Variants in PRKG1 observed in about 807,000 individuals in gnomAD.
The protein encoded by PRKG1 is cGMP-dependent protein kinase 1.
Under a neutral mutation model 88.1 loss-of-function variants are expected in PRKG1, and 35 were observed. The ratio of observed to expected loss-of-function variants is 0.40; its 90% CI spans 0.30 to 0.53. The LOEUF (loss-of-function observed/expected upper bound fraction) is 0.53. PRKG1 is among the 20% of genes least tolerant of loss of function. PRKG1 has a pLI of 0.59. For missense variants in PRKG1, 540 were observed against 839.8 expected (o/e 0.64, Z 4.41); for synonymous variants, 303 against 292.5 (o/e 1.04, Z -0.37).
intron 2 of PRKG1, among the ~76,000 whole-genome samples, chr10:51,233,366 A>G (rs1011230928): frequency 1.1e-4 from 16 of 152,186 alleles, no homozygotes; most frequent in Admixed American, 1.0e-3. Flanking sequence ...CTTGAGATCT[A>G]TTTCTACACT....
chr10:51,485,232 A>G (rs1165850156), intron 3 of PRKG1, among the ~76,000 whole-genome samples: 1 of 152,108 alleles, frequency 6.6e-6, no homozygotes, highest in Non-Finnish European at 1.5e-5. Flanking sequence ...TCCTCTTTAC[A>G]TTCTTGGTTA....
intron 7 of PRKG1, among the ~76,000 whole-genome samples, chr10:52,102,444 G>A (rs142818627): frequency 1.2e-3 from 183 of 152,062 alleles, no homozygotes; most frequent in Non-Finnish European, 2.0e-3. Flanking sequence ...TGAAAATGCC[G>A]TCATCCTTAT....
At position 51,699,550 on chromosome 10, in the gene PRKG1, G is replaced by C. The variant is rs142125120; in HGVS notation, c.593-105035G>C. On this transcript the variant is annotated intron_variant, in intron 3 of 17. Coordinates refer to ENST00000373980, the MANE Select transcript of PRKG1 (RefSeq NM_006258.4). ...GGTCTCTCACCGCCAAACTCGACAT[G>C]ATTCCGGTTGTGCAGACAGCCGATA... 7 of 1,606,908 alleles carry C rather than the reference G, an allele frequency of 4.4e-6. No homozygotes were observed. The Admixed American group carries it at 1.2e-4, about 27-fold the overall frequency.
intron 4 of PRKG1, among the ~76,000 whole-genome samples, chr10:51,853,960 A>G (rs1840619260): frequency 6.6e-6 from 1 of 152,076 alleles, no homozygotes; most frequent in Non-Finnish European, 1.5e-5. Context: ...AAGTGGTAAA[A>G]TGCAGACTTG....
chr10:52,261,600 A>C (rs554984362), intron 10 of PRKG1, among the ~76,000 whole-genome samples: 1 of 152,130 alleles, frequency 6.6e-6, no homozygotes, highest in South Asian at 2.1e-4. Flanking sequence ...TCATTCAAAC[A>C]TGTGTCACTC....
intron 2 of PRKG1, among the ~76,000 whole-genome samples, chr10:51,329,729 TTTTGTTTGTTTG>T (rs1309939099): frequency 6.6e-6 from 1 of 152,126 alleles, no homozygotes; most frequent in Non-Finnish European, 1.5e-5. Flanking sequence ...TTTTTTGTTT[TTTTGTTTGTTTG>T]TTTGTTAGTT....
chr10:51,128,810 G>T (rs1215236230), intron 1 of PRKG1, among the ~76,000 whole-genome samples: 1 of 152,176 alleles, frequency 6.6e-6, no homozygotes, highest in African/African-American at 2.4e-5. Context: ...ATGCTTAAGA[G>T]AGTAAAAATT....
intron 11 of PRKG1, 114 bp from the exon 12 acceptor site, chr10:52,272,278 C>A: frequency 1.4e-6 from 1 of 713,572 alleles, no homozygotes; most frequent in Non-Finnish European, 2.3e-6. Context: ...CTCTCTCATT[C>A]TGACAAAATT....
At chr10:51,254,167 G>A (rs1309226172) in intron 2 of PRKG1, among the ~76,000 whole-genome samples, 1 of 151,890 alleles carries the variant, frequency 6.6e-6, no homozygotes, top group Non-Finnish European at 1.5e-5. Flanking sequence ...TTTTATAGTT[G>A]AAGCATTGAT....
At position 52,294,126 on chromosome 10, in the gene PRKG1, T is replaced by G; in HGVS notation, c.*226T>G. 2.3e-6 allele frequency: 1 copy of G among 428,682 alleles called. No individual in the cohort carries two copies. The highest frequency in any genetic ancestry group is 3.7e-5 in the East Asian group (1 of 27,392). The allele number at this position is 428,682 out of a possible 1,614,324, so 26.6% of individuals were successfully genotyped here. A position where few individuals can be genotyped will look rare whatever the true frequency, so the allele number is the denominator to read the frequency against. On this transcript the variant is annotated 3_prime_UTR_variant, in exon 18 of 18. Coordinates refer to ENST00000373980, the MANE Select transcript of PRKG1 (RefSeq NM_006258.4). Reference sequence around the variant, plus strand: ...CCTAAAATAGCAGTTGACATGGTGGTCCTGAAGCAAAGCCTTTCACCAGTA... The same window carrying G: ...CCTAAAATAGCAGTTGACATGGTGGGCCTGAAGCAAAGCCTTTCACCAGTA...
intron 2 of PRKG1, among the ~76,000 whole-genome samples, chr10:51,363,817 C>T (rs561891946): frequency 2.6e-5 from 4 of 152,004 alleles, no homozygotes; most frequent in Admixed American, 6.6e-5. Context: ...GCCCTGACCA[C>T]GTCAACGTAA....
chr10:51,921,056 G>C (rs74135048), intron 5 of PRKG1, among the ~76,000 whole-genome samples: 2,129 of 152,088 alleles, frequency 0.014, 57 homozygotes, highest in African/African-American at 0.049. Context: ...TTAGGATTTT[G>C]CCAAATGAAA....
rs114412776 is a variant in PRKG1, at chr10:51,499,992, G to A, written c.592+32156G>A. On this transcript the variant is annotated intron_variant, in intron 3 of 17. Transcript: ENST00000373980. Reference sequence around the variant, plus strand: ...AAAGAAAAGAAAACAACAACAACCAGCAACAAACAAAAACATAATCTTGGG... The same window carrying A: ...AAAGAAAAGAAAACAACAACAACCAACAACAAACAAAAACATAATCTTGGG... Among the ~76,000 whole-genome samples, 275 of 152,062 alleles carry A rather than the reference G, an allele frequency of 1.8e-3. 2 individuals are homozygous for A. Among genetic ancestry groups the A allele is most frequent in the African/African-American group, 6.5e-3 (271 of 41,516 alleles).
chr10:51,776,734 G>A (rs1263370284), intron 3 of PRKG1, among the ~76,000 whole-genome samples: 3 of 152,084 alleles, frequency 2.0e-5, no homozygotes, highest in African/African-American at 7.2e-5. Context: ...GCTGAGGCAC[G>A]AGAATTGCTT....
chr10:52,270,836 G>A lies in PRKG1; in HGVS notation c.1174-514G>A, dbSNP rs547145883. ...GTATACATATGTAACAAACCTGCGC[G>A]TTGTACACACGTACCCTAGAACTTA... On this transcript the variant is annotated intron_variant, in intron 10 of 17. Transcript: ENST00000373980. Among the ~76,000 whole-genome samples the A allele has an allele frequency of 5.7e-3, 862 of 151,438 alleles. 2 individuals carry two copies. The highest frequency in any genetic ancestry group is 0.011 in the African/African-American group (446 of 41,258).
intron 1 of PRKG1, among the ~76,000 whole-genome samples, chr10:51,052,782 G>T (rs1187798393): frequency 3.3e-5 from 5 of 152,142 alleles, no homozygotes; most frequent in African/African-American, 1.2e-4. Flanking sequence ...CACCAAACCA[G>T]CTAACTTTCC....
chr10:51,268,305 G>A (rs1299954951), intron 2 of PRKG1, among the ~76,000 whole-genome samples: 1 of 152,150 alleles, frequency 6.6e-6, no homozygotes, highest in Non-Finnish European at 1.5e-5. Flanking sequence ...GGGTTTGAGA[G>A]CAACTGGTCT....
At chr10:52,260,333 A>G (rs1412635103) in intron 10 of PRKG1, among the ~76,000 whole-genome samples, 1 of 152,126 alleles carries the variant, frequency 6.6e-6, no homozygotes. Context: ...AGTATGTAAC[A>G]GTTTAAAAAA....
At chr10:51,022,295 T>C (rs543057517) in intron 1 of PRKG1, among the ~76,000 whole-genome samples, 2 of 152,202 alleles carry the variant, frequency 1.3e-5, no homozygotes, top group African/African-American at 4.8e-5. Context: ...TAAGCCACTC[T>C]TATAGCATAG....
Sources: allele counts gnomAD v4.1 joint callset (sites outside exome capture counted in the v4.1 genomes callset), GRCh38; gene constraint gnomAD v4.1.1; transcripts MANE v1.5; gene names NCBI Gene and HGNC (gene_info 2026-07-23, HGNC 2026-07-21).